RALGAPA1: variants seen among roughly 807,000 people sequenced by gnomAD.
The protein encoded by RALGAPA1 is ral GTPase-activating protein subunit alpha-1.
In RALGAPA1, 52 loss-of-function variants were observed where a neutral mutation model predicts 269.6. The observed-to-expected ratio is 0.19, with a 90% confidence interval of 0.15 to 0.24. The LOEUF (loss-of-function observed/expected upper bound fraction) is 0.24. Among genes scored for constraint, RALGAPA1 ranks in the 10% least tolerant of loss-of-function variants. The pLI, the probability that RALGAPA1 is intolerant of heterozygous loss-of-function variation, is 1.00. For synonymous variants in RALGAPA1, 817 were observed against 1,008.3 expected (o/e 0.81, Z 3.60); for missense variants, 1,917 against 3,013.9 (o/e 0.64, Z 8.52).
At chr14:35,691,089 A>AATT (rs530664222) in intron 17 of RALGAPA1, among the ~76,000 whole-genome samples, 2,700 of 147,730 alleles carry the variant, frequency 0.018, 77 homozygotes, top group South Asian at 0.092. Flanking sequence ...TAATAATAAT[A>AATT]ATTATTATTA....
chr14:35,716,788 C>T (rs1346316849), intron 16 of RALGAPA1, among the ~76,000 whole-genome samples: 2 of 152,018 alleles, frequency 1.3e-5, no homozygotes, highest in African/African-American at 4.8e-5. Context: ...ATATGTACTA[C>T]CTTCTAATTT....
intron 22 of RALGAPA1, chr14:35,676,652 T>G (rs1365375417): frequency 2.6e-5 from 4 of 152,162 alleles, no homozygotes; most frequent in Non-Finnish European, 1.5e-5. Context: ...CATTATATTG[T>G]GGTTACGCAG....
intron 16 of RALGAPA1, among the ~76,000 whole-genome samples, chr14:35,706,411 T>G (rs2140738515): frequency 6.6e-6 from 1 of 152,314 alleles, no homozygotes; most frequent in South Asian, 2.1e-4. Flanking sequence ...GAATTGCCTT[T>G]GCTCCTTTTT....
chr14:35,737,707 C>T (rs1339818812), intron 12 of RALGAPA1, among the ~76,000 whole-genome samples: 3 of 122,990 alleles, frequency 2.4e-5, no homozygotes, highest in East Asian at 2.7e-4. Context: ...TGCAGTGAGC[C>T]GAGATCGTGC....
chr14:35,713,301 TTCAA>T (rs1419515855), intron 16 of RALGAPA1, among the ~76,000 whole-genome samples: 3 of 152,164 alleles, frequency 2.0e-5, no homozygotes, highest in Admixed American at 2.0e-4. Flanking sequence ...GATATGATGA[TTCAA>T]TCAGAGTTTG....
At chr14:35,664,040 T>G (rs2063746895) in intron 27 of RALGAPA1, among the ~76,000 whole-genome samples, 1 of 152,150 alleles carries the variant, frequency 6.6e-6, no homozygotes, top group Non-Finnish European at 1.5e-5. Context: ...TTTTGAAGAC[T>G]TATAAACAAC....
At chr14:35,651,349 T>C (rs996356240) in intron 31 of RALGAPA1, among the ~76,000 whole-genome samples, 1 of 152,202 alleles carries the variant, frequency 6.6e-6, no homozygotes, top group Non-Finnish European at 1.5e-5. Context: ...AGAACCCTCA[T>C]AATGAATTTA....
intron 35 of RALGAPA1, among the ~76,000 whole-genome samples, chr14:35,621,840 C>T (rs1842939712): frequency 6.6e-6 from 1 of 152,116 alleles, no homozygotes; most frequent in Non-Finnish European, 1.5e-5. Context: ...GTTAGAATGG[C>T]AATCATTAAA....
In RALGAPA1 at chr14:35,624,581, C is replaced by T. The variant is rs763562791; in HGVS notation, c.6929+780G>A. Among the ~76,000 whole-genome samples the T allele has an allele frequency of 3.1e-4, 46 of 149,350 alleles. 1 individual carries two copies. The highest frequency in any genetic ancestry group is 8.0e-4 in the Admixed American group (12 of 14,998). On this transcript the variant is annotated intron_variant, in intron 35 of 41. Coordinates refer to ENST00000680220, the MANE Select transcript of RALGAPA1 (RefSeq NM_001346249.2). ...TGAAGCAGGCAGAGATGGCAGAAAG[C>T]AGAAGTACAAATAGAAAAAAAAAAA... is the stretch of plus-strand genomic sequence containing the variant.
At chr14:35,546,588 T>C (rs1346234418) in intron 41 of RALGAPA1, among the ~76,000 whole-genome samples, 3 of 152,094 alleles carry the variant, frequency 2.0e-5, no homozygotes, top group African/African-American at 7.2e-5. Context: ...ATGACCATAT[T>C]AGTATTGATT....
chr14:35,737,035 CAAAAAAAAAA>C (rs556177197), intron 12 of RALGAPA1, among the ~76,000 whole-genome samples: 1 of 57,266 alleles, frequency 1.7e-5, no homozygotes, highest in Non-Finnish European at 3.6e-5. Flanking sequence ...GGCTCCATCT[CAAAAAAAAAA>C]AAAAAAAAGT....
chr14:35,696,833 CAT>C (rs2066940210), intron 17 of RALGAPA1, among the ~76,000 whole-genome samples: 1 of 152,060 alleles, frequency 6.6e-6, no homozygotes, highest in Non-Finnish European at 1.5e-5. Flanking sequence ...AGCTAATTCA[CAT>C]GAGGGAGAGC....
intron 10 of RALGAPA1, among the ~76,000 whole-genome samples, chr14:35,747,860 G>C (rs1177529202): frequency 6.6e-6 from 1 of 151,674 alleles, no homozygotes; most frequent in Middle Eastern, 3.2e-3. Flanking sequence ...ATTTCCAGCT[G>C]TTTCATGTGA....
intron 1 of RALGAPA1, among the ~76,000 whole-genome samples, chr14:35,806,081 C>T (rs192895746): frequency 1.3e-3 from 191 of 152,268 alleles, no homozygotes; most frequent in Non-Finnish European, 2.3e-3. Flanking sequence ...AGGAGATATA[C>T]ATATGTAAAA....
intron 31 of RALGAPA1, 118 bp from the exon 32 acceptor site, chr14:35,635,716 C>T: frequency 1.2e-6 from 1 of 822,498 alleles, no homozygotes; most frequent in East Asian, 3.2e-5. Flanking sequence ...ACCCTAAGTT[C>T]CACTATTAAT....
intron 32 of RALGAPA1, 26 bp downstream of exon 32, chr14:35,635,438 A>C (rs1226196767): frequency 5.1e-6 from 8 of 1,558,672 alleles, no homozygotes; most frequent in Non-Finnish European, 6.9e-6. Flanking sequence ...TGGTTACCAA[A>C]TAAATAATAA....
At chr14:35,692,459 T>C (rs1275546398) in intron 17 of RALGAPA1, among the ~76,000 whole-genome samples, 1 of 151,740 alleles carries the variant, frequency 6.6e-6, no homozygotes, top group Non-Finnish European at 1.5e-5. Context: ...TCACTCCTTG[T>C]ATATTAGAAA....
At chr14:35,684,070 C>T (rs771471688) in intron 20 of RALGAPA1, 85 bp from the exon 21 acceptor site, 1 of 999,622 alleles carries the variant, frequency 1.0e-6, no homozygotes, top group Non-Finnish European at 1.5e-6. Flanking sequence ...AATGATCAAA[C>T]ATAAACATTC....
intron 37 of RALGAPA1, among the ~76,000 whole-genome samples, chr14:35,581,467 C>T (rs574012517): frequency 1.3e-5 from 2 of 152,178 alleles, no homozygotes; most frequent in African/African-American, 2.4e-5. Context: ...AGTATCAGGA[C>T]GTATATGACC....
Sources: gnomAD v4.1 joint callset for allele counts (sites outside exome capture counted in the v4.1 genomes callset) on GRCh38, gnomAD v4.1.1 for gene constraint, MANE v1.5 for transcripts, NCBI Gene and HGNC (gene_info 2026-07-23, HGNC 2026-07-21) for gene names.